The following ZFP1 variants were observed in gnomAD, a reference collection of about 807,000 sequenced individuals.
ZFP1 encodes the protein zinc finger protein 1 homolog.
ZFP1 carries 32 observed loss-of-function variants against 38.5 expected under a neutral mutation model. That is an observed-to-expected ratio of 0.83 (90% CI 0.63 to 1.12). The LOEUF is 1.12. ZFP1 is among the 50% of genes most tolerant of loss of function. ZFP1 has a pLI of 0.00. For missense variants in ZFP1, 616 were observed against 480.8 expected (o/e 1.28, Z -2.63); for synonymous variants, 245 against 168.8 (o/e 1.45, Z -3.50).
the ZFP1 span, among the ~76,000 whole-genome samples, chr16:75,139,947 A>G: frequency 2.2e-4 from 34 of 152,318 alleles, no homozygotes; most frequent in African/African-American, 7.7e-4. Context: ...AGTAAATTTT[A>G]TTACATATGT....
chr16:75,141,217 T>C, the ZFP1 span, among the ~76,000 whole-genome samples: 1 of 140,146 alleles, frequency 7.1e-6, no homozygotes, highest in African/African-American at 2.7e-5. Flanking sequence ...TTTTTTTTTT[T>C]TTTGAGACGG....
chr16:75,122,558 T>C, the ZFP1 span, among the ~76,000 whole-genome samples: 1 of 152,212 alleles, frequency 6.6e-6, no homozygotes, highest in Non-Finnish European at 1.5e-5. Flanking sequence ...CATACTGACA[T>C]ACTGATTCTT....
chr16:75,140,713 A>G, the ZFP1 span, among the ~76,000 whole-genome samples: 1 of 152,144 alleles, frequency 6.6e-6, no homozygotes, highest in South Asian at 2.1e-4. Flanking sequence ...TAATCCCAGC[A>G]CTTTGGGAGG....
chr16:75,131,416 C>T, the ZFP1 span, among the ~76,000 whole-genome samples: 1 of 152,198 alleles, frequency 6.6e-6, no homozygotes, highest in Non-Finnish European at 1.5e-5. Flanking sequence ...AGTGATGCGG[C>T]TGCTGTTCTT....
At chr16:75,152,869 G>C in intron 1 of ZFP1, 40 bp from the exon 2 acceptor site, 1 of 1,588,070 alleles carries the variant, frequency 6.3e-7, no homozygotes, top group Non-Finnish European at 8.6e-7. Flanking sequence ...AGGCAGGTCA[G>C]ACCTTTAATA....
At chr16:75,151,562 TATC>T (rs1318803740) in intron 1 of ZFP1, among the ~76,000 whole-genome samples, 3 of 152,244 alleles carry the variant, frequency 2.0e-5, no homozygotes, top group Non-Finnish European at 4.4e-5. Context: ...ACTTTAAAGA[TATC>T]ATACTGTTTT....
chr16:75,161,589 C>G (rs1045350714), intron 2 of ZFP1, among the ~76,000 whole-genome samples: 7 of 150,590 alleles, frequency 4.6e-5, no homozygotes, highest in African/African-American at 1.7e-4. Flanking sequence ...GGTCTGAAGG[C>G]TTTCAGTCTT....
the ZFP1 span, among the ~76,000 whole-genome samples, chr16:75,140,063 G>A: frequency 1.3e-5 from 2 of 152,144 alleles, no homozygotes; most frequent in African/African-American, 2.4e-5. Flanking sequence ...GAAGTTGGGA[G>A]TTCAAGACCA....
At chr16:75,153,103 C>A in intron 2 of ZFP1, 137 bp downstream of exon 2, 3 of 1,162,502 alleles carry the variant, frequency 2.6e-6, no homozygotes, top group East Asian at 2.6e-5. Context: ...TACCAGCAGC[C>A]AAAAAGCAAA....
chr16:75,133,212 G>A, the ZFP1 span, among the ~76,000 whole-genome samples: 1 of 152,092 alleles, frequency 6.6e-6, no homozygotes, highest in Non-Finnish European at 1.5e-5. Flanking sequence ...CCTGACCTCC[G>A]GTGATCTGCC....
At chr16:75,122,565 T>C in the ZFP1 span, among the ~76,000 whole-genome samples, 1 of 152,234 alleles carries the variant, frequency 6.6e-6, no homozygotes, top group Admixed American at 6.5e-5. Flanking sequence ...ACATACTGAT[T>C]CTTTGAAGAG....
chr16:75,151,668 C>T (rs1328931577), intron 1 of ZFP1, among the ~76,000 whole-genome samples: 5 of 152,166 alleles, frequency 3.3e-5, no homozygotes, highest in Non-Finnish European at 5.9e-5. Context: ...TTGACATATG[C>T]TGTAAACCCA....
upstream of ZFP1, among the ~76,000 whole-genome samples, chr16:75,145,867 G>C (rs575968318): frequency 6.6e-6 from 1 of 152,130 alleles, no homozygotes; most frequent in Non-Finnish European, 1.5e-5. Context: ...AAGAGGGCAG[G>C]GTGTAAAAGG....
At chr16:75,158,855 C>G (rs920597452) in intron 2 of ZFP1, among the ~76,000 whole-genome samples, 1 of 149,884 alleles carries the variant, frequency 6.7e-6, no homozygotes, top group African/African-American at 2.5e-5. Context: ...TAGGTACTGT[C>G]TACATCTGCT....
chr16:75,129,100 G>C, the ZFP1 span, among the ~76,000 whole-genome samples: 19 of 152,146 alleles, frequency 1.2e-4, no homozygotes, highest in Non-Finnish European at 2.6e-4. Flanking sequence ...AGCCACTTTC[G>C]TATCTGTCTA....
rs2038407972 is a variant in ZFP1, at chr16:75,171,177, T to G, written c.*843T>G. On this transcript the variant is annotated 3_prime_UTR_variant, in exon 4 of 4. Transcript: ENST00000570010. ...GGATATTTGCATACAAATGCATGTC[T>G]GTTACCAAAATATTGTGTAACACAG... 6.6e-6 allele frequency: 1 copy of G among 152,236 alleles called. No homozygotes were observed. The highest frequency in any genetic ancestry group is 2.1e-4 in the South Asian group (1 of 4,838). The allele number at this position is 152,236 out of a possible 1,614,324, so 9.4% of individuals were successfully genotyped here. A position where few individuals can be genotyped will look rare whatever the true frequency, so the allele number is the denominator to read the frequency against.
Position 75,170,301 on chromosome 16 carries a change from C to G in ZFP1, c.1191C>G (p.Val397=), listed in dbSNP as rs1178415641. 6.2e-7 allele frequency: 1 copy of G among 1,600,488 alleles called. No homozygotes were observed. The highest frequency in any genetic ancestry group is 8.5e-7 in the Non-Finnish European group (1 of 1,172,418). ...KAFSRKSRLS[V]HQRVHIGEKP ...TTAGCAGGAAGTCCCGACTCAGTGT[C>G]CATCAGAGAGTTCACATCGGGGAGA... Residue 397 remains valine (V), a synonymous_variant, in exon 4 of 4, where the codon GTC becomes GTG. Transcript: ENST00000570010.
rs34594499 is a variant in ZFP1, at chr16:75,168,547, G to GAA, written c.143-697_143-696dup. 5.6e-3 allele frequency among the ~76,000 whole-genome samples: 829 copies of GAA among 149,124 alleles called. 6 individuals are homozygous for GAA. Among genetic ancestry groups the GAA allele is most frequent in the African/African-American group, 0.019 (772 of 40,802 alleles). ...GTTCACTCTCCCAGCAACTTCAGTA[G>GAA]AAAAAAAAAAGCAATAAAACCAGCA... On this transcript the variant is annotated intron_variant, in intron 3 of 3. Coordinates refer to ENST00000570010, the MANE Select transcript of ZFP1 (RefSeq NM_153688.4).
At chr16:75,147,918 A>G (rs1023122563), upstream of ZFP1, among the ~76,000 whole-genome samples, 3 of 152,246 alleles carry the variant, frequency 2.0e-5, no homozygotes, top group African/African-American at 7.2e-5. Context: ...AAGTGTTCTC[A>G]TCAGACAAAT....
Sources: gnomAD v4.1 joint callset for allele counts (sites outside exome capture counted in the v4.1 genomes callset) on GRCh38, gnomAD v4.1.1 for gene constraint, MANE v1.5 for transcripts, NCBI Gene and HGNC (gene_info 2026-07-23, HGNC 2026-07-21) for gene names.